Variants in TAS1R1 observed in about 807,000 individuals in gnomAD.
TAS1R1 encodes the protein taste 1 receptor member 1.
In TAS1R1, 31 loss-of-function variants were observed where a neutral mutation model predicts 45.8. The ratio of observed to expected loss-of-function variants is 0.68; its 90% CI spans 0.51 to 0.91. The LOEUF is 0.91. TAS1R1 is among the 40% of genes least tolerant of loss of function. The probability of loss-of-function intolerance (pLI) is 0.00; values close to 1 mark genes in which losing one functional copy is unlikely to be tolerated. For missense variants in TAS1R1, 1,051 were observed against 1,063.9 expected (o/e 0.99, Z 0.17); for synonymous variants, 437 against 448.4 (o/e 0.97, Z 0.32).
chr1:6,556,161 G>T (rs766908801), intron 1 of TAS1R1, among the ~76,000 whole-genome samples: 1 of 151,946 alleles, frequency 6.6e-6, no homozygotes, highest in African/African-American at 2.4e-5. Context: ...GTGAGCCACC[G>T]CGCCCAGCCG....
Position 6,576,623 on chromosome 1 carries a change from A to G in TAS1R1, c.1469A>G (p.Asn490Ser). ...AAAATCCAGTGGCACGGAAAGGACA[A>G]CCAGGTAATGGGGATGTGGCTACTC... ...ETKIQWHGKD[N>S]QVPKSVCSSD... is the part of the protein sequence containing the mutation. The change falls in exon 4 of 6, where the codon AAC (asparagine) becomes AGC (serine). Residue 490 changes from asparagine to serine, a missense_variant. Coordinates refer to ENST00000333172, the MANE Select transcript of TAS1R1 (RefSeq NM_138697.4). The G allele has an allele frequency of 6.2e-7, 1 of 1,613,252 alleles. No individual in the cohort carries two copies. The highest frequency in any genetic ancestry group is 1.1e-5 in the South Asian group (1 of 91,074).
At chr1:6,572,448 T>C (rs1640043564) in intron 2 of TAS1R1, among the ~76,000 whole-genome samples, 1 of 151,936 alleles carries the variant, frequency 6.6e-6, no homozygotes, top group African/African-American at 2.4e-5. Context: ...TTTGTAGAGA[T>C]AGAGGTCTCA....
In TAS1R1 at chr1:6,555,540, G is replaced by A. The variant is rs1411385371; in HGVS notation, c.167G>A (p.Arg56Lys). 4 of 1,551,468 alleles carry A rather than the reference G, an allele frequency of 2.6e-6. No homozygotes were observed. The Admixed American group carries it at 7.8e-5, about 30-fold the overall frequency. The change falls in exon 1 of 6, where the codon AGA becomes AAA. Residue 56 changes from arginine to lysine, a missense_variant. By Grantham distance (26) the Arg-to-Lys change is conservative. Transcript: ENST00000333172. ...TCTGGCTGTCTGCAGGTGAGGCACA[G>A]ACCCGAGGTGACCCTGTGTGACAGG... is the stretch of plus-strand genomic sequence containing the variant. ...LHSGCLQVRH[R>K]PEVTLCDRSC...
intron 1 of TAS1R1, among the ~76,000 whole-genome samples, chr1:6,567,682 G>T (rs1639900237): frequency 6.6e-6 from 1 of 152,176 alleles, no homozygotes; most frequent in Non-Finnish European, 1.5e-5. Context: ...TTCATCTTCA[G>T]CGGCTAGGTC....
chr1:6,555,930 G>A (rs1639673711), intron 1 of TAS1R1, among the ~76,000 whole-genome samples: 1 of 123,390 alleles, frequency 8.1e-6, no homozygotes, highest in African/African-American at 2.9e-5. Context: ...GGACTGCAGT[G>A]GCGCGATCTC....
At chr1:6,566,802 A>G (rs567508131) in intron 1 of TAS1R1, among the ~76,000 whole-genome samples, 12 of 152,180 alleles carry the variant, frequency 7.9e-5, no homozygotes, top group Non-Finnish European at 1.8e-4. Context: ...TCACCGTGTT[A>G]GCCAGGATGG....
intron 1 of TAS1R1, 98 bp from the exon 2 acceptor site, chr1:6,570,811 A>G (rs1293096971): frequency 6.9e-6 from 8 of 1,163,786 alleles, no homozygotes; most frequent in Non-Finnish European, 9.8e-6. Context: ...GATGACCTCA[A>G]AGGTTCCCTT....
chr1:6,572,628 C>T (rs548641362), intron 2 of TAS1R1, among the ~76,000 whole-genome samples: 81 of 152,118 alleles, frequency 5.3e-4, no homozygotes, highest in Middle Eastern at 3.4e-3. Flanking sequence ...AGCCCCCTGC[C>T]CCCACCTGGC....
rs1407902146 is a variant in TAS1R1, at chr1:6,570,931, G to A, written c.214G>A (p.Gly72Ser). ...CDRSCSFNEH[G>S]YHLFQAMRLG... Reference sequence around the variant, plus strand: ...CAGGTCTTGTAGCTTCAATGAGCATGGCTACCACCTCTTCCAGGCTATGCG... The same window carrying A: ...CAGGTCTTGTAGCTTCAATGAGCATAGCTACCACCTCTTCCAGGCTATGCG... The change falls in exon 2 of 6, where the codon GGC (glycine) becomes AGC (serine). Residue 72 changes from glycine to serine, a missense_variant. Gly to Ser is a moderately conservative substitution (Grantham distance 56, BLOSUM62 0). Transcript: ENST00000333172. 1.1e-5 allele frequency: 17 copies of A among 1,606,898 alleles called. No homozygotes were observed. The East Asian group carries it at 3.6e-4, about 34-fold the overall frequency.
intron 2 of TAS1R1, among the ~76,000 whole-genome samples, chr1:6,571,737 T>C (rs1640023044): frequency 6.6e-6 from 1 of 152,188 alleles, no homozygotes; most frequent in African/African-American, 2.4e-5. Flanking sequence ...GGAGAATTGC[T>C]GGAATCTGGG....
At chr1:6,561,200 A>T (rs1440724367) in intron 1 of TAS1R1, among the ~76,000 whole-genome samples, 1 of 152,140 alleles carries the variant, frequency 6.6e-6, no homozygotes, top group Non-Finnish European at 1.5e-5. Flanking sequence ...GGCATTAGCC[A>T]GGGTGCCTAG....
chr1:6,574,621 C>T lies in TAS1R1; in HGVS notation c.499-10C>T, dbSNP rs758559669. The T allele has an allele frequency of 6.3e-7, 1 of 1,584,980 alleles. No homozygotes were observed. The highest frequency in any genetic ancestry group is 8.6e-7 in the Non-Finnish European group (1 of 1,163,444). ...TGGAGACTGAAATGGCTGAACGGGA[C>T]CTCCCATAGATTAGCTATGCGGCCA... On this transcript the variant is annotated splice_polypyrimidine_tract_variant and intron_variant, in intron 2 of 5. Coordinates refer to ENST00000333172, the MANE Select transcript of TAS1R1 (RefSeq NM_138697.4). This position sits in a 1 kb window ranked among gnomAD's most constrained non-coding sequence, Gnocchi z 4.3.
chr1:6,577,213 C>G (rs1303124250), intron 5 of TAS1R1, 143 bp downstream of exon 5: 5 of 1,235,908 alleles, frequency 4.0e-6, no homozygotes, highest in Non-Finnish European at 5.6e-6. Flanking sequence ...GGTTGGAGGA[C>G]ACCTGCTACC....
intron 2 of TAS1R1, among the ~76,000 whole-genome samples, chr1:6,573,636 T>C (rs1640078498): frequency 6.6e-6 from 1 of 151,912 alleles, no homozygotes; most frequent in Admixed American, 6.6e-5. Flanking sequence ...TTCAAGTGCA[T>C]TACATTTATT....
rs768518830 is a variant in TAS1R1 at position 6,574,953 on chromosome 1, T to C, written c.821T>C (p.Phe274Ser). The change falls in exon 3 of 6, where the codon TTT becomes TCT. Residue 274 changes from phenylalanine (F) to serine (S), a missense_variant. Physicochemically the swap from Phe to Ser is radical, Grantham distance 155. Coordinates refer to ENST00000333172, the MANE Select transcript of TAS1R1 (RefSeq NM_138697.4). This position sits in a 1 kb window ranked among gnomAD's most constrained non-coding sequence, Gnocchi z 4.3. The part of the protein sequence containing the change: ...AQAGATVVVV[F>S]SSRQLARVFF... ...GCCGGGGCCACCGTCGTGGTTGTTT[T>C]TTCCAGCCGGCAGTTGGCCAGGGTG... 8.7e-6 allele frequency: 14 copies of C among 1,609,158 alleles called. No individual in the cohort carries two copies. The highest frequency in any genetic ancestry group is 1.2e-5 in the Non-Finnish European group (14 of 1,176,340).
At chr1:6,565,389 A>G (rs1047423361) in intron 1 of TAS1R1, among the ~76,000 whole-genome samples, 3 of 152,078 alleles carry the variant, frequency 2.0e-5, no homozygotes, top group African/African-American at 4.8e-5. Context: ...TTCTAAGGCT[A>G]GGGTGGCCGC....
chr1:6,567,332 G>A lies in TAS1R1; in HGVS notation c.192-3577G>A, dbSNP rs184198690. On this transcript the variant is annotated intron_variant, in intron 1 of 5. Coordinates refer to ENST00000333172, the MANE Select transcript of TAS1R1 (RefSeq NM_138697.4). ...TCCCAGCACTTTGGGAGGCTGAGAC[G>A]GGCGGATCATGAGGTCAGGAGATCG... 2.6e-5 allele frequency among the ~76,000 whole-genome samples: 4 copies of A among 152,150 alleles called. No homozygotes were observed. In the East Asian group the frequency reaches 7.8e-4, roughly 30 times the overall value.
intron 1 of TAS1R1, among the ~76,000 whole-genome samples, chr1:6,568,921 A>G (rs1049352179): frequency 6.6e-6 from 1 of 152,102 alleles, no homozygotes; most frequent in African/African-American, 2.4e-5. Flanking sequence ...TCAGATGAGA[A>G]GGACCCGAGA....
At chr1:6,568,646 G>A (rs553254971) in intron 1 of TAS1R1, among the ~76,000 whole-genome samples, 1 of 152,222 alleles carries the variant, frequency 6.6e-6, no homozygotes, top group African/African-American at 2.4e-5. Context: ...CTGCAATGAG[G>A]CAGGTAATCA....
Sources: allele counts gnomAD v4.1 joint callset (sites outside exome capture counted in the v4.1 genomes callset), GRCh38; gene constraint gnomAD v4.1.1; non-coding constraint Gnocchi (gnomAD v3.1); transcripts MANE v1.5; gene names NCBI Gene and HGNC (gene_info 2026-07-23, HGNC 2026-07-21).